The following ATP2C1 variants were observed in gnomAD, a reference collection of about 807,000 sequenced individuals.
ATP2C1 encodes calcium-transporting ATPase type 2C member 1.
In ATP2C1, 31 loss-of-function variants were observed where a neutral mutation model predicts 120.5. The observed-to-expected ratio is 0.26, with a 90% CI of 0.19 to 0.35. ATP2C1 has a LOEUF of 0.35. ATP2C1 is among the 10% of genes least tolerant of loss of function. ATP2C1 has a pLI of 1.00. For synonymous variants in ATP2C1, 351 were observed against 358.7 expected, an observed-to-expected ratio of 0.98 and a Z score of 0.24; for missense variants, 731 against 1,107.5, an observed-to-expected ratio of 0.66 and a Z score of 4.83.
chr3:130,891,030 T>A (rs546054195), upstream of ATP2C1, among the ~76,000 whole-genome samples: 3 of 152,324 alleles, frequency 2.0e-5, no homozygotes, highest in African/African-American at 7.2e-5. Context: ...TGTGCTATGA[T>A]GGCATCATTG....
intron 20 of ATP2C1, among the ~76,000 whole-genome samples, chr3:130,992,211 A>G (rs2062388338): frequency 6.6e-6 from 1 of 152,102 alleles, no homozygotes; most frequent in African/African-American, 2.4e-5. Context: ...CAGTGGTACT[A>G]TTTGAGGAGG....
At chr3:130,996,378 G>T in intron 23 of ATP2C1, 1 of 571,206 alleles carries the variant, frequency 1.8e-6, no homozygotes, top group South Asian at 2.1e-5. Flanking sequence ...GTTTCCTCTT[G>T]GTATCTTTTT....
chr3:130,967,728 T>C (rs1266632708), intron 16 of ATP2C1, among the ~76,000 whole-genome samples: 1 of 152,232 alleles, frequency 6.6e-6, no homozygotes, highest in African/African-American at 2.4e-5. Flanking sequence ...TAAATGTGTG[T>C]AATTGCTGAT....
chr3:130,950,927 T>C (rs1161384236), intron 8 of ATP2C1, among the ~76,000 whole-genome samples: 1 of 152,148 alleles, frequency 6.6e-6, no homozygotes, highest in Non-Finnish European at 1.5e-5. Flanking sequence ...TATTTATCCA[T>C]GTTTAAGATT....
intron 4 of ATP2C1, among the ~76,000 whole-genome samples, chr3:130,933,317 G>A (rs1205912066): frequency 2.6e-5 from 4 of 152,156 alleles, no homozygotes; most frequent in African/African-American, 9.7e-5. Flanking sequence ...GCTTAGTAAT[G>A]TGGCACAGCT....
At chr3:130,982,281 T>G (rs2108794184) in intron 20 of ATP2C1, among the ~76,000 whole-genome samples, 1 of 152,364 alleles carries the variant, frequency 6.6e-6, no homozygotes, top group African/African-American at 2.4e-5. Context: ...CTGTCCTTTT[T>G]CCATTGAAAT....
chr3:131,003,578 C>G (rs934857647), downstream of ATP2C1, among the ~76,000 whole-genome samples: 11 of 152,158 alleles, frequency 7.2e-5, no homozygotes, highest in African/African-American at 2.7e-4. Flanking sequence ...CAGAACAAGG[C>G]TGAACATGTT....
At chr3:130,877,777 C>T (rs560959351) in intron 1 of ATP2C1, among the ~76,000 whole-genome samples, 5 of 152,148 alleles carry the variant, frequency 3.3e-5, no homozygotes, top group African/African-American at 7.2e-5. Flanking sequence ...ACCTAGCCAT[C>T]CCATTACTGG....
intron 2 of ATP2C1, among the ~76,000 whole-genome samples, chr3:130,926,699 C>A (rs1309865870): frequency 6.6e-6 from 1 of 152,256 alleles, no homozygotes; most frequent in African/African-American, 2.4e-5. Flanking sequence ...AACCTTATCA[C>A]ACACACTCAC....
Position 130,996,024 on chromosome 3 carries a change from T to G in ATP2C1, c.2058-19T>G. 1 of 1,441,632 alleles carries G rather than the reference T, an allele frequency of 6.9e-7. No individual in the cohort carries two copies. The highest frequency in any genetic ancestry group is 9.8e-7 in the Non-Finnish European group (1 of 1,024,874). 89.3% of individuals were successfully genotyped at this position (1,441,632 alleles called of 1,614,324 possible). A position where few individuals can be genotyped will look rare whatever the true frequency, so the allele number is the denominator to read the frequency against. ...TATGATAATATTTTCTCACTTCATC[T>G]TTATTTTTTAAATTTCAGGTCTGCA... On this transcript the variant is annotated intron_variant, in intron 22 of 27. Coordinates refer to ENST00000510168, the MANE Select transcript of ATP2C1 (RefSeq NM_001378687.1).
chr3:130,993,259 T>C (rs1394296963), intron 21 of ATP2C1, among the ~76,000 whole-genome samples: 1 of 152,320 alleles, frequency 6.6e-6, no homozygotes, highest in African/African-American at 2.4e-5. Flanking sequence ...AACAATGTTC[T>C]AACTGGGGTC....
intron 1 of ATP2C1, among the ~76,000 whole-genome samples, chr3:130,878,586 G>A (rs1369418520): frequency 1.3e-5 from 2 of 152,136 alleles, no homozygotes; most frequent in Non-Finnish European, 2.9e-5. Flanking sequence ...GTATTGATGA[G>A]TTTCCTGTTT....
At position 130,940,632 on chromosome 3, in the gene ATP2C1, A is replaced by G; in HGVS notation, c.363A>G (p.Glu121=). 6.2e-7 allele frequency: 1 copy of G among 1,606,086 alleles called. No individual in the cohort carries two copies. Among genetic ancestry groups the G allele is most frequent in the East Asian group, 2.2e-5 (1 of 44,714 alleles). The part of the protein sequence containing the change: ...LIVVTVAFVQ[E]YRSEKSLEEL... ...TCTACTTTTTTTTGTTTGAATAGGA[A>G]TATCGTTCAGAAAAATCTCTTGAAG... The change falls in exon 7 of 28, where the codon GAA becomes GAG. Residue 121 remains glutamate, a splice_region_variant and synonymous_variant. Coordinates refer to ENST00000510168, the MANE Select transcript of ATP2C1 (RefSeq NM_001378687.1).
intron 12 of ATP2C1, among the ~76,000 whole-genome samples, chr3:130,962,487 G>A (rs915408868): frequency 1.3e-5 from 2 of 151,772 alleles, no homozygotes; most frequent in Non-Finnish European, 2.9e-5. Flanking sequence ...AGCAGTAGAT[G>A]AGCAGTTAGT....
chr3:130,904,180 A>G (rs1576648118), intron 2 of ATP2C1, among the ~76,000 whole-genome samples: 2 of 152,050 alleles, frequency 1.3e-5, no homozygotes, highest in African/African-American at 4.8e-5. Flanking sequence ...TCTTTTGCCC[A>G]GTTACTCCTA....
At chr3:130,957,542 C>T (rs891820767) in intron 11 of ATP2C1, among the ~76,000 whole-genome samples, 2 of 151,984 alleles carry the variant, frequency 1.3e-5, no homozygotes, top group Admixed American at 6.6e-5. Context: ...ATTTCAAAGT[C>T]AGTAATACAA....
At chr3:130,887,187 GTCTC>G (rs1376544685) in intron 1 of ATP2C1, among the ~76,000 whole-genome samples, 4 of 152,150 alleles carry the variant, frequency 2.6e-5, no homozygotes, top group Non-Finnish European at 1.5e-5. Flanking sequence ...AACAAATGAA[GTCTC>G]TCTGTGCTGA....
intron 20 of ATP2C1, among the ~76,000 whole-genome samples, chr3:130,984,890 G>A (rs1171191038): frequency 1.3e-5 from 2 of 151,728 alleles, no homozygotes; most frequent in Non-Finnish European, 2.9e-5. Flanking sequence ...GCATTTGCAA[G>A]CATAAACACT....
intron 1 of ATP2C1, among the ~76,000 whole-genome samples, chr3:130,863,163 T>G (rs1303858672): frequency 1.3e-5 from 2 of 152,118 alleles, no homozygotes; most frequent in Non-Finnish European, 2.9e-5. Flanking sequence ...TGATGTTATA[T>G]GAGATCCTAT....
Sources: gnomAD v4.1 joint callset for allele counts (sites outside exome capture counted in the v4.1 genomes callset) on GRCh38, gnomAD v4.1.1 for gene constraint, MANE v1.5 for transcripts, NCBI Gene and HGNC (gene_info 2026-07-23, HGNC 2026-07-21) for gene names.